Variants in BBOX1 observed in about 807,000 individuals in gnomAD.
BBOX1 encodes the protein gamma-butyrobetaine dioxygenase.
BBOX1 carries 35 observed loss-of-function variants against 41.6 expected under a neutral mutation model. The ratio of observed to expected loss-of-function variants is 0.84; its 90% CI spans 0.64 to 1.11. BBOX1 has a LOEUF of 1.11. Among genes scored for constraint, BBOX1 ranks in the 50% most tolerant of loss-of-function variants. The pLI, the probability that BBOX1 is intolerant of heterozygous loss-of-function variation, is 0.00. For missense variants in BBOX1, 458 were observed against 460.6 expected, an observed-to-expected ratio of 0.99 and a Z score of 0.05; for synonymous variants, 163 against 154.7, an observed-to-expected ratio of 1.05 and a Z score of -0.40.
intron 3 of BBOX1, among the ~76,000 whole-genome samples, chr11:27,056,097 T>G (rs1457620650): frequency 6.6e-6 from 1 of 152,164 alleles, no homozygotes; most frequent in Non-Finnish European, 1.5e-5. Context: ...TTGTTTACTC[T>G]TACATTTCTC....
chr11:27,124,497 T>C (rs1315170858), intron 7 of BBOX1, among the ~76,000 whole-genome samples: 4 of 152,156 alleles, frequency 2.6e-5, no homozygotes, highest in Non-Finnish European at 2.9e-5. Context: ...ATCTAAGAAA[T>C]AATGTGCTTT....
chr11:27,111,724 G>A (rs538753433), intron 5 of BBOX1, among the ~76,000 whole-genome samples: 1 of 151,860 alleles, frequency 6.6e-6, no homozygotes. Flanking sequence ...GGAATGATAG[G>A]AAACAAATTT....
intron 4 of BBOX1, among the ~76,000 whole-genome samples, chr11:27,091,992 C>T (rs76306285): frequency 0.011 from 1,670 of 151,974 alleles, 33 homozygotes; most frequent in African/African-American, 0.038. Flanking sequence ...TAACCTATGC[C>T]AATGTCCTTA....
Position 27,055,649 on chromosome 11 carries a change from G to A in BBOX1, c.219G>A (p.Lys73=). Residue 73 remains lysine, a splice_region_variant and synonymous_variant, in exon 3 of 9, where the codon AAG becomes AAA. Coordinates refer to ENST00000263182, the MANE Select transcript of BBOX1 (RefSeq NM_003986.3). ...GIKGLIFDRK[K]VYITWPDEHY... ...AAGGCTTGATATTTGACAGAAAAAAGGTAATTATCTCTAAATTATGTCTCC... is the reference window on the plus strand; with the variant it reads ...AAGGCTTGATATTTGACAGAAAAAAAGTAATTATCTCTAAATTATGTCTCC... 1.9e-6 allele frequency: 3 copies of A among 1,606,348 alleles called. No homozygotes were observed. The highest frequency in any genetic ancestry group is 1.1e-5 in the South Asian group (1 of 90,690).
intron 4 of BBOX1, among the ~76,000 whole-genome samples, chr11:27,069,947 G>A (rs1008047545): frequency 1.3e-5 from 2 of 152,092 alleles, no homozygotes; most frequent in South Asian, 4.2e-4. Context: ...CATCACAGAG[G>A]TTTTCATAAC....
chr11:27,086,117 C>A (rs1414362032), intron 4 of BBOX1, among the ~76,000 whole-genome samples: 1 of 152,038 alleles, frequency 6.6e-6, no homozygotes, highest in African/African-American at 2.4e-5. Flanking sequence ...GGTGAAGTAG[C>A]AATTGTGATG....
chr11:27,066,940 C>A (rs1435401851), intron 4 of BBOX1, among the ~76,000 whole-genome samples: 1 of 152,022 alleles, frequency 6.6e-6, no homozygotes, highest in Admixed American at 6.6e-5. Context: ...GAAAGTAGGG[C>A]ACTGAAATTA....
intron 4 of BBOX1, among the ~76,000 whole-genome samples, chr11:27,079,858 TTG>T (rs1428427944): frequency 6.6e-6 from 1 of 152,066 alleles, no homozygotes; most frequent in Non-Finnish European, 1.5e-5. Flanking sequence ...TGACTACTGT[TTG>T]TCTCTCATGA....
chr11:27,118,782 TA>T (rs1469870353), intron 6 of BBOX1, among the ~76,000 whole-genome samples: 3 of 151,952 alleles, frequency 2.0e-5, no homozygotes, highest in Admixed American at 1.3e-4. Flanking sequence ...TAAATAACAT[TA>T]AAAAATGATC....
At chr11:27,092,481 T>G (rs564963683) in intron 4 of BBOX1, among the ~76,000 whole-genome samples, 37 of 152,114 alleles carry the variant, frequency 2.4e-4, no homozygotes, top group African/African-American at 8.9e-4. Flanking sequence ...ATTTTTTACA[T>G]TTTTCTTTCT....
chr11:27,099,843 A>C (rs1341158641), intron 5 of BBOX1, among the ~76,000 whole-genome samples: 2 of 152,082 alleles, frequency 1.3e-5, no homozygotes, highest in African/African-American at 4.8e-5. Flanking sequence ...GTTTGCTTGA[A>C]AAATGTAGAA....
intron 4 of BBOX1, 105 bp from the exon 5 acceptor site, chr11:27,093,063 A>G: frequency 9.0e-7 from 1 of 1,117,234 alleles, no homozygotes; most frequent in Admixed American, 2.4e-5. Flanking sequence ...AAAGTCCATT[A>G]TAAATCAACA....
chr11:27,093,229 A>T lies in BBOX1; in HGVS notation c.396A>T (p.Arg132Ser). 1 of 1,612,470 alleles carries T rather than the reference A, an allele frequency of 6.2e-7. No homozygotes were observed. Among genetic ancestry groups the T allele is most frequent in the Non-Finnish European group, 8.5e-7 (1 of 1,178,980 alleles). Residue 132 changes from arginine to serine, a missense_variant, in exon 5 of 9, where the codon AGA becomes AGT. Arg to Ser is a moderately radical substitution (Grantham distance 110). Transcript: ENST00000263182. ...CTTTGGATTTTGAAGATGTTTTAAGATATGATGAACACGCATACAAGTGGC... is the reference window on the plus strand; with the variant it reads ...CTTTGGATTTTGAAGATGTTTTAAGTTATGATGAACACGCATACAAGTGGC... ...LPTLDFEDVL[R>S]YDEHAYKWLS... is the part of the protein sequence containing the mutation.
At chr11:27,061,816 T>C (rs1857141366) in intron 4 of BBOX1, among the ~76,000 whole-genome samples, 2 of 152,212 alleles carry the variant, frequency 1.3e-5, no homozygotes, top group African/African-American at 2.4e-5. Flanking sequence ...ACACGGATAA[T>C]TATCACTCCC....
chr11:27,117,615 T>G (rs1200992480), intron 6 of BBOX1, among the ~76,000 whole-genome samples: 2 of 151,994 alleles, frequency 1.3e-5, no homozygotes, highest in Non-Finnish European at 1.5e-5. Context: ...ACTAGAAAAC[T>G]AAAAGTTTTA....
chr11:27,127,496 T>C lies in BBOX1; in HGVS notation c.*43T>C, dbSNP rs763099152. ...TTTAATAAGATTCCAATGACCATATTTTGTGAGATATGGCACATTATTCAC... is the reference window on the plus strand; with the variant it reads ...TTTAATAAGATTCCAATGACCATATCTTGTGAGATATGGCACATTATTCAC... On this transcript the variant is annotated 3_prime_UTR_variant, in exon 9 of 9. Coordinates refer to ENST00000263182, the MANE Select transcript of BBOX1 (RefSeq NM_003986.3). 1.9e-6 allele frequency: 3 copies of C among 1,567,334 alleles called. No homozygotes were observed. The highest frequency in any genetic ancestry group is 4.1e-5 in the Admixed American group (2 of 48,848).
chr11:27,125,535 C>T, intron 7 of BBOX1, 119 bp from the exon 8 acceptor site: 1 of 832,050 alleles, frequency 1.2e-6, no homozygotes, highest in Admixed American at 3.4e-5. Context: ...ATCTTCTGTA[C>T]ATGTATTTGG....
intron 6 of BBOX1, among the ~76,000 whole-genome samples, chr11:27,117,893 T>A (rs1238351389): frequency 6.6e-6 from 1 of 151,898 alleles, no homozygotes; most frequent in Admixed American, 6.6e-5. Flanking sequence ...AAACACGAGA[T>A]TCAATATTTT....
rs537344988 is a variant in BBOX1, at chr11:27,041,219, A to G, written c.-298A>G. On this transcript the variant is annotated 5_prime_UTR_variant, in exon 2 of 9. Transcript: ENST00000263182. Reference sequence around the variant, plus strand: ...TTTTTTTTTAAAAAAAACACAGCACAAAAAAACAAAGACAAAAAACCTCCA... The same window carrying G: ...TTTTTTTTTAAAAAAAACACAGCACGAAAAAACAAAGACAAAAAACCTCCA... 2 of 151,390 alleles carry G rather than the reference A, an allele frequency of 1.3e-5. No individual in the cohort carries two copies. Among genetic ancestry groups the G allele is most frequent in the South Asian group, 4.2e-4 (2 of 4,758 alleles). 9.4% of individuals were successfully genotyped at this position (151,390 alleles called of 1,614,324 possible). A position where few individuals can be genotyped will look rare whatever the true frequency, so the allele number is the denominator to read the frequency against.
Sources: allele counts gnomAD v4.1 joint callset (sites outside exome capture counted in the v4.1 genomes callset), GRCh38; gene constraint gnomAD v4.1.1; transcripts MANE v1.5; gene names NCBI Gene and HGNC (gene_info 2026-07-23, HGNC 2026-07-21).